The following SLC5A1 variants were observed in gnomAD, a reference collection of about 807,000 sequenced individuals.
The protein encoded by SLC5A1 is solute carrier family 5 member 1, also known as sodium/glucose cotransporter 1.
In SLC5A1, 42 loss-of-function variants were observed where a neutral mutation model predicts 73.5. The ratio of observed to expected loss-of-function variants is 0.57; its 90% confidence interval spans 0.45 to 0.74. The LOEUF (loss-of-function observed/expected upper bound fraction) is 0.74. Among genes scored for constraint, SLC5A1 ranks in the 30% least tolerant of loss-of-function variants. The pLI is 0.00. For synonymous variants in SLC5A1, 300 were observed against 317.4 expected (o/e 0.95, Z 0.58); for missense variants, 634 against 855.4 (o/e 0.74, Z 3.23).
chr22:32,101,504 A>G (rs978849500), intron 12 of SLC5A1, among the ~76,000 whole-genome samples: 2 of 152,208 alleles, frequency 1.3e-5, no homozygotes, highest in African/African-American at 2.4e-5. Context: ...TAAAAAAGTA[A>G]GTGTTATTTA....
At chr22:32,046,613 G>A (rs2093937524) in intron 1 of SLC5A1, among the ~76,000 whole-genome samples, 1 of 152,146 alleles carries the variant, frequency 6.6e-6, no homozygotes, top group South Asian at 2.1e-4. Context: ...CATCATGTCT[G>A]TCCCACTTTA....
rs5753868 is a variant in SLC5A1, at chr22:32,112,470, A to G, written c.*2257A>G. On this transcript the variant is annotated 3_prime_UTR_variant, in exon 15 of 15. Transcript: ENST00000266088. The stretch of plus-strand genomic sequence containing the variant: ...TGCTTAAAAGGCCCGGTCCGTAGAA[A>G]ATGCCCAATAAACATTACTGCTTTC... 0.93 allele frequency: 141,333 copies of G among 152,306 alleles called. 65,652 individuals carry two copies. The highest frequency in any genetic ancestry group is 1 in the East Asian group (5,182 of 5,184). The allele number at this position is 152,306 out of a possible 1,614,324, so 9.4% of individuals were successfully genotyped here. A position where few individuals can be genotyped will look rare whatever the true frequency, so the allele number is the denominator to read the frequency against.
chr22:32,104,640 G>A (rs1206552343), intron 13 of SLC5A1, 146 bp from the exon 14 acceptor site: 1 of 699,540 alleles, frequency 1.4e-6, no homozygotes, highest in Non-Finnish European at 2.6e-6. Context: ...ATAATGTTAT[G>A]GATGAGAATC....
chr22:32,082,946 G>A, intron 6 of SLC5A1, 128 bp from the exon 7 acceptor site: 8 of 786,294 alleles, frequency 1.0e-5, no homozygotes, highest in South Asian at 5.8e-5. Flanking sequence ...GGAAGGAGAG[G>A]CAGGCAAACC....
intron 12 of SLC5A1, among the ~76,000 whole-genome samples, chr22:32,099,937 A>G (rs1457739298): frequency 1.3e-5 from 2 of 152,252 alleles, no homozygotes; most frequent in Non-Finnish European, 1.5e-5. Context: ...TAAGGGATAC[A>G]ATACAGCACA....
chr22:32,102,353 T>C (rs2094038144), intron 13 of SLC5A1, 116 bp downstream of exon 13: 2 of 782,578 alleles, frequency 2.6e-6, no homozygotes, highest in African/African-American at 1.7e-5. Flanking sequence ...AATTATGGGG[T>C]ACATGTAATG....
chr22:32,058,282 G>A (rs1016624872), intron 2 of SLC5A1, among the ~76,000 whole-genome samples: 2 of 152,172 alleles, frequency 1.3e-5, no homozygotes, highest in African/African-American at 4.8e-5. Context: ...AGCACTTTGG[G>A]AAGCCAAACT....
chr22:32,071,149 T>C (rs1251269382), intron 5 of SLC5A1, among the ~76,000 whole-genome samples: 4 of 152,076 alleles, frequency 2.6e-5, no homozygotes, highest in Admixed American at 1.3e-4. Context: ...GTTCTTGAAA[T>C]GTAAGATATA....
Position 32,077,094 on chromosome 22 carries a change from A to G in SLC5A1, c.478-4772A>G, listed in dbSNP as rs890677814. On this transcript the variant is annotated intron_variant, in intron 5 of 14. Transcript: ENST00000266088. ...TTACTCCCGGGCCCTTTACAGAGAA[A>G]GTTTGCAAATTCTTGATCTAGAGGA... Among the ~76,000 whole-genome samples, 6 of 152,294 alleles carry G rather than the reference A, an allele frequency of 3.9e-5. 1 individual carries two copies. Among genetic ancestry groups the G allele is most frequent in the Admixed American group, 2.0e-4 (3 of 15,294 alleles).
At chr22:32,102,444 T>C (rs1603143874) in intron 13 of SLC5A1, among the ~76,000 whole-genome samples, 1 of 152,252 alleles carries the variant, frequency 6.6e-6, no homozygotes, top group African/African-American at 2.4e-5. Flanking sequence ...ATCATTTCTT[T>C]GTGTTAGGAA....
rs75662971 is a variant in SLC5A1, at chr22:32,063,890, A to C, written c.208-3045A>C. On this transcript the variant is annotated intron_variant, in intron 2 of 14. Transcript: ENST00000266088. ...TGAGGAAGGTTGTTCCCCTAATAGA[A>C]ATGAATAGAACCTGGGCTCAGGACA... 3.4e-4 allele frequency among the ~76,000 whole-genome samples: 51 copies of C among 152,138 alleles called. No individual in the cohort carries two copies. The East Asian group carries it at 9.5e-3, about 28-fold the overall frequency.
intron 12 of SLC5A1, among the ~76,000 whole-genome samples, chr22:32,101,341 TA>T (rs1294194687): frequency 6.6e-6 from 1 of 151,006 alleles, no homozygotes; most frequent in Non-Finnish European, 1.5e-5. Context: ...AAGGAAGGAG[TA>T]AAAAAAACCC....
intron 3 of SLC5A1, 55 bp from the exon 4 acceptor site, chr22:32,067,910 GGC>G (rs1285053547): frequency 6.4e-7 from 1 of 1,563,030 alleles, no homozygotes; most frequent in African/African-American, 1.4e-5. Context: ...CCCTTCAGGT[GGC>G]AGGGATGGGC....
intron 10 of SLC5A1, among the ~76,000 whole-genome samples, chr22:32,089,620 T>TAC (rs2094013728): frequency 6.6e-6 from 1 of 152,202 alleles, no homozygotes; most frequent in Non-Finnish European, 1.5e-5. Flanking sequence ...TTCTGTTGGG[T>TAC]ACCATGAGGA....
intron 14 of SLC5A1, among the ~76,000 whole-genome samples, chr22:32,107,729 C>G (rs1481588903): frequency 6.6e-6 from 1 of 152,186 alleles, no homozygotes; most frequent in East Asian, 1.9e-4. Flanking sequence ...CATGGCAGCA[C>G]TCAAATTCTG....
chr22:32,078,771 G>C (rs1002720306), intron 5 of SLC5A1, among the ~76,000 whole-genome samples: 2 of 151,794 alleles, frequency 1.3e-5, no homozygotes, highest in Non-Finnish European at 2.9e-5. Context: ...TGGCCAACAG[G>C]GTGAAACCCT....
chr22:32,063,038 T>C (rs1264906268), intron 2 of SLC5A1, among the ~76,000 whole-genome samples: 3 of 152,198 alleles, frequency 2.0e-5, no homozygotes, highest in African/African-American at 7.2e-5. Context: ...ATATGGCCTC[T>C]TTACTGTGCA....
chr22:32,092,278 G>A (rs1031544448), intron 11 of SLC5A1, among the ~76,000 whole-genome samples: 7 of 152,004 alleles, frequency 4.6e-5, no homozygotes, highest in South Asian at 2.1e-4. Flanking sequence ...CCATTAATTC[G>A]TTCCTTTTTA....
At chr22:32,053,786 A>G (rs1603105027) in intron 2 of SLC5A1, among the ~76,000 whole-genome samples, 1 of 152,356 alleles carries the variant, frequency 6.6e-6, no homozygotes, top group East Asian at 1.9e-4. Context: ...TATTAGAAAT[A>G]TATCTGGGAT....
Sources: allele counts gnomAD v4.1 joint callset (sites outside exome capture counted in the v4.1 genomes callset), GRCh38; gene constraint gnomAD v4.1.1; transcripts MANE v1.5; gene names NCBI Gene and HGNC (gene_info 2026-07-23, HGNC 2026-07-21).